ETV6: variants seen among roughly 807,000 people sequenced by gnomAD.
The protein encoded by ETV6 is ETS variant transcription factor 6.
Under a neutral mutation model 51.1 loss-of-function variants are expected in ETV6, and 16 were observed. The observed-to-expected ratio is 0.31, with a 90% CI of 0.21 to 0.48. The LOEUF is 0.48. Ranked by LOEUF, ETV6 falls within the 20% of genes least tolerant of loss-of-function variation. The pLI is 0.99. For synonymous variants in ETV6, 240 were observed against 224.1 expected (o/e 1.07, Z -0.64); for missense variants, 458 against 594.8 (o/e 0.77, Z 2.39).
intron 2 of ETV6, among the ~76,000 whole-genome samples, chr12:11,809,179 A>T (rs943938004): frequency 6.8e-6 from 1 of 146,692 alleles, no homozygotes; most frequent in Non-Finnish European, 1.5e-5. Context: ...AAAAAAAAAG[A>T]TAGGAAGTGA....
At chr12:11,860,005 C>T (rs1009483482) in intron 4 of ETV6, among the ~76,000 whole-genome samples, 2 of 152,156 alleles carry the variant, frequency 1.3e-5, no homozygotes, top group East Asian at 1.9e-4. Flanking sequence ...TGGGATGGGC[C>T]GTCTTAGCAT....
chr12:11,739,893 C>G (rs1865778101), intron 1 of ETV6, among the ~76,000 whole-genome samples: 1 of 152,128 alleles, frequency 6.6e-6, no homozygotes, highest in South Asian at 2.1e-4. Flanking sequence ...ATTGGACTTT[C>G]TAGGGAAAGT....
At chr12:11,652,602 C>T (rs1308979053) in intron 1 of ETV6, among the ~76,000 whole-genome samples, 1 of 152,188 alleles carries the variant, frequency 6.6e-6, no homozygotes, top group Non-Finnish European at 1.5e-5. Flanking sequence ...TCCCAGTCCT[C>T]CTCTCCACTC....
At chr12:11,680,565 G>A (rs1864505713) in intron 1 of ETV6, among the ~76,000 whole-genome samples, 1 of 152,176 alleles carries the variant, frequency 6.6e-6, no homozygotes, top group African/African-American at 2.4e-5. Flanking sequence ...TACAGCCAAG[G>A]ATTAACTCTC....
intron 1 of ETV6, among the ~76,000 whole-genome samples, chr12:11,696,186 T>A (rs1437250738): frequency 6.6e-6 from 1 of 152,236 alleles, no homozygotes; most frequent in Non-Finnish European, 1.5e-5. Flanking sequence ...CTTTTTTCTG[T>A]ATAGCACTTG....
rs2856343 is a variant in ETV6 at position 11,735,892 on chromosome 12, G to T, written c.34-16558G>T. On this transcript the variant is annotated intron_variant, in intron 1 of 7. Transcript: ENST00000396373. ...GGGGATTACAGGCGTGAACCATCGC[G>T]CCCGGCCAGCTCGTCGCTTATTATG... Among the ~76,000 whole-genome samples, 1,319 of 152,314 alleles carry T rather than the reference G, an allele frequency of 8.7e-3. 14 individuals are homozygous for T. The highest frequency in any genetic ancestry group is 0.027 in the Middle Eastern group (8 of 294).
intron 1 of ETV6, among the ~76,000 whole-genome samples, chr12:11,735,993 T>C (rs938891322): frequency 6.6e-6 from 1 of 152,252 alleles, no homozygotes; most frequent in South Asian, 2.1e-4. Context: ...TTATTTTGAT[T>C]GCTGGGAAGT....
intron 2 of ETV6, among the ~76,000 whole-genome samples, chr12:11,794,331 G>A (rs1401050601): frequency 1.3e-5 from 2 of 152,114 alleles, no homozygotes; most frequent in African/African-American, 4.8e-5. Context: ...CCCTTACCTG[G>A]GGCTATTTTG....
chr12:11,715,651 A>C (rs1423719416), intron 1 of ETV6, among the ~76,000 whole-genome samples: 3 of 152,204 alleles, frequency 2.0e-5, no homozygotes, highest in Non-Finnish European at 4.4e-5. Context: ...GGAAGAGTCG[A>C]ACTTATAGAG....
chr12:11,829,121 C>T (rs1243451796), intron 2 of ETV6, among the ~76,000 whole-genome samples: 1 of 152,186 alleles, frequency 6.6e-6, no homozygotes, highest in African/African-American at 2.4e-5. Context: ...TACTGGGCCT[C>T]ATAGCTCCTG....
At chr12:11,659,171 T>G (rs769301805) in intron 1 of ETV6, among the ~76,000 whole-genome samples, 8 of 152,184 alleles carry the variant, frequency 5.3e-5, no homozygotes, top group Non-Finnish European at 1.0e-4. Context: ...AGGCCAAGTT[T>G]GTTACTTTGG....
chr12:11,846,083 G>GT (rs1215698586), intron 3 of ETV6, among the ~76,000 whole-genome samples: 2 of 152,090 alleles, frequency 1.3e-5, no homozygotes, highest in Non-Finnish European at 2.9e-5. Flanking sequence ...ATGCACTGGT[G>GT]TTTTCACTGT....
intron 1 of ETV6, among the ~76,000 whole-genome samples, chr12:11,709,157 A>G (rs1047183807): frequency 6.6e-6 from 1 of 152,178 alleles, no homozygotes; most frequent in African/African-American, 2.4e-5. Context: ...GATACAGTGA[A>G]CACCTATGAA....
intron 2 of ETV6, among the ~76,000 whole-genome samples, chr12:11,835,243 C>A (rs902850534): frequency 1.3e-5 from 2 of 152,190 alleles, no homozygotes; most frequent in African/African-American, 4.8e-5. Flanking sequence ...TTCAAATATT[C>A]TCTGAAACTA....
At chr12:11,709,661 G>C (rs1865137147) in intron 1 of ETV6, among the ~76,000 whole-genome samples, 1 of 152,226 alleles carries the variant, frequency 6.6e-6, no homozygotes, top group Non-Finnish European at 1.5e-5. Context: ...TTCTGTGAAG[G>C]TATTTATGGA....
intron 2 of ETV6, among the ~76,000 whole-genome samples, chr12:11,766,540 G>A (rs923263707): frequency 2.6e-5 from 4 of 151,642 alleles, no homozygotes; most frequent in Non-Finnish European, 2.9e-5. Context: ...TCCCACCCCC[G>A]CCATTAGCTG....
At chr12:11,779,746 T>G (rs1182128897) in intron 2 of ETV6, among the ~76,000 whole-genome samples, 1 of 152,226 alleles carries the variant, frequency 6.6e-6, no homozygotes, top group Non-Finnish European at 1.5e-5. Context: ...TTCAGAGCTT[T>G]TCCAGATAGC....
At chr12:11,864,761 A>T (rs1206844351) in intron 4 of ETV6, among the ~76,000 whole-genome samples, 2 of 152,156 alleles carry the variant, frequency 1.3e-5, no homozygotes, top group Non-Finnish European at 2.9e-5. Context: ...TTTAAAAAAA[A>T]AAAAGCTTTT....
chr12:11,893,351 T>A lies in ETV6; in HGVS notation c.*2305T>A, dbSNP rs1259191629. The A allele has an allele frequency of 5.1e-6, 1 of 195,610 alleles. No homozygotes were observed. The highest frequency in any genetic ancestry group is 6.9e-5 in the East Asian group (1 of 14,508). The allele number at this position is 195,610 out of a possible 1,614,324, so 12.1% of individuals were successfully genotyped here. A position where few individuals can be genotyped will look rare whatever the true frequency, so the allele number is the denominator to read the frequency against. ...CAAGTGCAAGAACTCAGTCTCTTAC[T>A]GTTCAAAGAATCTTAACAGTTGAAT... On this transcript the variant is annotated 3_prime_UTR_variant, in exon 8 of 8. Transcript: ENST00000396373.
Sources: gnomAD v4.1 joint callset for allele counts (sites outside exome capture counted in the v4.1 genomes callset) on GRCh38, gnomAD v4.1.1 for gene constraint, MANE v1.5 for transcripts, NCBI Gene and HGNC (gene_info 2026-07-23, HGNC 2026-07-21) for gene names.